SOAT1: variants seen among roughly 807,000 people sequenced by gnomAD.
SOAT1 encodes the protein sterol O-acyltransferase 1, also known as acyl-coenzyme A:cholesterol acyltransferase 1.
In SOAT1, 55 loss-of-function variants were observed where a neutral mutation model predicts 69.5. The ratio of observed to expected loss-of-function variants is 0.79; its 90% confidence interval spans 0.64 to 0.99. The LOEUF (loss-of-function observed/expected upper bound fraction) is 0.99. SOAT1 is among the 50% of genes least tolerant of loss of function. The probability of loss-of-function intolerance (pLI) is 0.00; values close to 1 mark genes in which losing one functional copy is unlikely to be tolerated. For missense variants in SOAT1, 580 were observed against 669.3 expected (o/e 0.87, Z 1.47); for synonymous variants, 231 against 224.7 (o/e 1.03, Z -0.25).
At chr1:179,309,374 A>G (rs1665142161) in intron 2 of SOAT1, among the ~76,000 whole-genome samples, 1 of 152,052 alleles carries the variant, frequency 6.6e-6, no homozygotes, top group African/African-American at 2.4e-5. Flanking sequence ...GAGCCACTGC[A>G]CCTGGCCAGG....
Position 179,331,341 on chromosome 1 carries a change from G to A in SOAT1, c.178-4165G>A, listed in dbSNP as rs568720365. On this transcript the variant is annotated intron_variant, in intron 3 of 15. Coordinates refer to ENST00000367619, the MANE Select transcript of SOAT1 (RefSeq NM_003101.6). ...TTGTCTATCAGGTACTACATTAAGTGCTGGGATTTTAAAGAAGTTGTGTTT... is the reference window on the plus strand; with the variant it reads ...TTGTCTATCAGGTACTACATTAAGTACTGGGATTTTAAAGAAGTTGTGTTT... 5.9e-5 allele frequency among the ~76,000 whole-genome samples: 9 copies of A among 152,300 alleles called. No homozygotes were observed. In the East Asian group the frequency reaches 1.7e-3, roughly 29 times the overall value.
At chr1:179,312,569 T>C (rs563930106) in intron 2 of SOAT1, among the ~76,000 whole-genome samples, 5 of 152,362 alleles carry the variant, frequency 3.3e-5, no homozygotes, top group African/African-American at 1.2e-4. Context: ...TTTTCTACGC[T>C]ACTTTGTTTC....
intron 1 of SOAT1, among the ~76,000 whole-genome samples, chr1:179,296,353 T>G (rs1026132996): frequency 1.3e-5 from 2 of 152,208 alleles, no homozygotes; most frequent in Admixed American, 1.3e-4. Context: ...AGGCATCCAC[T>G]GGGAGTCTTG....
chr1:179,298,868 A>C (rs1222741154), intron 1 of SOAT1, among the ~76,000 whole-genome samples: 1 of 152,200 alleles, frequency 6.6e-6, no homozygotes, highest in African/African-American at 2.4e-5. Context: ...AAGTTGAAAA[A>C]TTTTAAATTG....
At position 179,350,382 on chromosome 1, in the gene SOAT1, C is replaced by T; in HGVS notation, c.1401C>T (p.Cys467=). The T allele has an allele frequency of 6.8e-6, 11 of 1,613,930 alleles. No homozygotes were observed. Among genetic ancestry groups the T allele is most frequent in the Non-Finnish European group, 8.5e-6 (10 of 1,179,944 alleles). Residue 467 remains cysteine (C), a synonymous_variant, in exon 14 of 16, where the codon TGC becomes TGT. Coordinates refer to ENST00000367619, the MANE Select transcript of SOAT1 (RefSeq NM_003101.6). ...AVVHEYALAV[C]LSFFYPVLFV... is the part of the protein sequence containing the mutation. ...TACACGAATATGCCTTGGCTGTTTG[C>T]TTGAGCTTTTTCTATCCCGTGCTCT...
intron 6 of SOAT1, among the ~76,000 whole-genome samples, chr1:179,340,387 TAGG>T (rs571364590): frequency 5.5e-4 from 83 of 152,104 alleles, no homozygotes; most frequent in African/African-American, 1.9e-3. Flanking sequence ...GAGGCTGAGA[TAGG>T]AGGATCGCTT....
In SOAT1 at chr1:179,351,480, T is replaced by C. The variant is rs749590617; in HGVS notation, c.1596+18T>C. ...TGAAAAATGTGAGTCACCAACCTGG[T>C]TGGAGTGCAAAAGAACCTGTTTATT... On this transcript the variant is annotated intron_variant, in intron 15 of 15. Coordinates refer to ENST00000367619, the MANE Select transcript of SOAT1 (RefSeq NM_003101.6). 14 of 1,610,996 alleles carry C rather than the reference T, an allele frequency of 8.7e-6. No homozygotes were observed. Among genetic ancestry groups the C allele is most frequent in the Middle Eastern group, 1.7e-4 (1 of 6,032 alleles).
In SOAT1 at chr1:179,335,574, A is replaced by G. The variant is rs149631274; in HGVS notation, c.246A>G (p.Glu82=). The G allele has an allele frequency of 2.6e-4, 426 of 1,613,764 alleles. 2 individuals carry two copies. Among genetic ancestry groups the G allele is most frequent in the Non-Finnish European group, 1.1e-4 (134 of 1,179,814 alleles). The change falls in exon 4 of 16, where the codon GAA becomes GAG. Residue 82 remains glutamate, a synonymous_variant. Coordinates refer to ENST00000367619, the MANE Select transcript of SOAT1 (RefSeq NM_003101.6). Reference sequence around the variant, plus strand: ...ATGATTTTGTGACCAATCTCATTGAAAAGTCAGCATCATTAGATAATGGTG... The same window carrying G: ...ATGATTTTGTGACCAATCTCATTGAGAAGTCAGCATCATTAGATAATGGTG... The part of the protein sequence containing the change: ...HFDDFVTNLI[E]KSASLDNGGC...
At chr1:179,336,307 A>G (rs1666151203) in intron 4 of SOAT1, among the ~76,000 whole-genome samples, 1 of 151,440 alleles carries the variant, frequency 6.6e-6, no homozygotes, top group Non-Finnish European at 1.5e-5. Flanking sequence ...TACCAAAAAT[A>G]CAACAATTAG....
intron 1 of SOAT1, among the ~76,000 whole-genome samples, chr1:179,296,100 C>G (rs148939819): frequency 1.3e-5 from 2 of 149,918 alleles, no homozygotes; most frequent in African/African-American, 4.9e-5. Flanking sequence ...GGATTACAGG[C>G]GTGAGCCACC....
intron 2 of SOAT1, among the ~76,000 whole-genome samples, chr1:179,320,608 C>T (rs1665563155): frequency 6.6e-6 from 1 of 152,092 alleles, no homozygotes; most frequent in Admixed American, 6.6e-5. Flanking sequence ...AATATTAAAT[C>T]TTCTAGTCAA....
At chr1:179,336,470 C>CAAA (rs71569242) in intron 4 of SOAT1, among the ~76,000 whole-genome samples, 16 of 79,046 alleles carry the variant, frequency 2.0e-4, no homozygotes, top group South Asian at 4.6e-4. Context: ...ACCCTGTCTC[C>CAAA]AAAAAAAAAA....
chr1:179,357,126 T>A lies in SOAT1; in HGVS notation c.*3485T>A, dbSNP rs1286241838. On this transcript the variant is annotated 3_prime_UTR_variant, in exon 16 of 16. Coordinates refer to ENST00000367619, the MANE Select transcript of SOAT1 (RefSeq NM_003101.6). ...CACACAAAGGTCTGTTCTGGGTATT[T>A]TATGTATCTTATCTCTAGGCTTTAT... The A allele has an allele frequency of 6.6e-6, 1 of 152,610 alleles. No homozygotes were observed. Among genetic ancestry groups the A allele is most frequent in the Non-Finnish European group, 1.5e-5 (1 of 68,330 alleles). The allele number at this position is 152,610 out of a possible 1,614,324, so 9.5% of individuals were successfully genotyped here.
rs1162260815 is a variant in SOAT1 at position 179,299,745 on chromosome 1, C to CTTTTTTTT, written c.-8-2913_-8-2906dup. ...ATTTATTTTTTAATCATTTTGCTATCTTTTTTTTTTTTTTTTTTTTTTTTT... is the reference window on the plus strand; with the variant it reads ...ATTTATTTTTTAATCATTTTGCTATCTTTTTTTTTTTTTTTTTTTTTTTTTTTTTTTTT... On this transcript the variant is annotated intron_variant, in intron 1 of 15. Coordinates refer to ENST00000367619, the MANE Select transcript of SOAT1 (RefSeq NM_003101.6). Among the ~76,000 whole-genome samples the CTTTTTTTT allele has an allele frequency of 2.7e-3, 187 of 69,552 alleles. 35 individuals carry two copies. The highest frequency in any genetic ancestry group is 5.0e-3 in the African/African-American group (88 of 17,536). 45.6% of individuals were successfully genotyped at this position (69,552 alleles called of 152,430 possible).
intron 13 of SOAT1, 119 bp from the exon 14 acceptor site, chr1:179,350,177 C>T: frequency 2.7e-6 from 2 of 734,744 alleles, no homozygotes; most frequent in Non-Finnish European, 4.4e-6. Context: ...AAGGAGTAGA[C>T]TTAGAAAATT....
chr1:179,313,704 C>A (rs1022369600), intron 2 of SOAT1, among the ~76,000 whole-genome samples: 1 of 152,122 alleles, frequency 6.6e-6, no homozygotes, highest in Non-Finnish European at 1.5e-5. Flanking sequence ...CTTGCCTCAC[C>A]CTCCCAGGTA....
chr1:179,328,555 A>C (rs1473385670), intron 3 of SOAT1, among the ~76,000 whole-genome samples: 1 of 152,236 alleles, frequency 6.6e-6, no homozygotes, highest in Non-Finnish European at 1.5e-5. Context: ...TGGCCTGGAC[A>C]TTACATGCCT....
chr1:179,340,002 C>T (rs1015217370), intron 6 of SOAT1, among the ~76,000 whole-genome samples: 6 of 152,124 alleles, frequency 3.9e-5, no homozygotes, highest in Non-Finnish European at 7.4e-5. Flanking sequence ...GTGGGTTCCA[C>T]GGGGCCAACT....
rs762597315 is a variant in SOAT1, at chr1:179,356,721, G to C, written c.*3080G>C. 1.1e-4 allele frequency: 16 copies of C among 152,032 alleles called. No individual in the cohort carries two copies. Among genetic ancestry groups the C allele is most frequent in the Admixed American group, 6.6e-4 (10 of 15,238 alleles). The allele number at this position is 152,032 out of a possible 1,614,324, so 9.4% of individuals were successfully genotyped here. A position where few individuals can be genotyped will look rare whatever the true frequency, so the allele number is the denominator to read the frequency against. ...CTTTGTTTTTGTTTTTAAAGAGACAGGGTCTCACTCTGTTGCCCAGGCTGG... is the reference window on the plus strand; with the variant it reads ...CTTTGTTTTTGTTTTTAAAGAGACACGGTCTCACTCTGTTGCCCAGGCTGG... On this transcript the variant is annotated 3_prime_UTR_variant, in exon 16 of 16. Coordinates refer to ENST00000367619, the MANE Select transcript of SOAT1 (RefSeq NM_003101.6).
Sources: gnomAD v4.1 joint callset for allele counts (sites outside exome capture counted in the v4.1 genomes callset) on GRCh38, gnomAD v4.1.1 for gene constraint, MANE v1.5 for transcripts, NCBI Gene and HGNC (gene_info 2026-07-23, HGNC 2026-07-21) for gene names.